RORA: variants seen among roughly 807,000 people sequenced by gnomAD.
The protein encoded by RORA is nuclear receptor ROR-alpha.
RORA carries 7 observed loss-of-function variants against 69.5 expected under a neutral mutation model. That is an observed-to-expected ratio of 0.10 (90% confidence interval 0.06 to 0.19). RORA has a LOEUF of 0.19. Ranked by LOEUF, RORA falls within the 10% of genes least tolerant of loss-of-function variation. The pLI is 1.00. For synonymous variants in RORA, 261 were observed against 240.8 expected (o/e 1.08, Z -0.78); for missense variants, 457 against 663.0 (o/e 0.69, Z 3.41).
intron 1 of RORA, among the ~76,000 whole-genome samples, chr15:60,797,989 C>T (rs186925350): frequency 6.6e-6 from 1 of 152,228 alleles, no homozygotes; most frequent in Admixed American, 6.5e-5. Context: ...CATCACTGGC[C>T]TACAGCTATG....
intron 2 of RORA, chr15:60,558,136 C>CG: frequency 2.2e-6 from 2 of 890,840 alleles, no homozygotes; most frequent in Admixed American, 2.1e-5. Flanking sequence ...AGTGCCACAC[C>CG]GGGGGAAAGG....
intron 1 of RORA, among the ~76,000 whole-genome samples, chr15:60,707,419 A>C (rs2071079202): frequency 1.3e-5 from 2 of 151,156 alleles, no homozygotes; most frequent in African/African-American, 4.9e-5. Flanking sequence ...GCTGGAGTGC[A>C]ATGGCGTGAT....
chr15:60,578,121 A>G lies in RORA; in HGVS notation c.197-46270T>C, dbSNP rs111284077. ...GTTAGAATATGGAACCTGAAGCCAT[A>G]TCACTGACTTTTTGTACTTTGTTAA... On this transcript the variant is annotated intron_variant, in intron 2 of 10. Transcript: ENST00000335670. Among the ~76,000 whole-genome samples the G allele has an allele frequency of 6.7e-3, 1,026 of 152,360 alleles. 3 individuals are homozygous for G. Among genetic ancestry groups the G allele is most frequent in the African/African-American group, 0.023 (968 of 41,586 alleles).
At chr15:61,151,290 G>A (rs184003788) in intron 1 of RORA, among the ~76,000 whole-genome samples, 168 of 152,308 alleles carry the variant, frequency 1.1e-3, no homozygotes, top group African/African-American at 3.9e-3. Flanking sequence ...CCTACACCCT[G>A]AACTCTAAGC....
At chr15:60,640,184 C>CAGTA (rs940475810) in intron 2 of RORA, among the ~76,000 whole-genome samples, 11 of 152,224 alleles carry the variant, frequency 7.2e-5, no homozygotes, top group African/African-American at 2.4e-4. Context: ...GTACATGGCA[C>CAGTA]TACTAAGTGC....
rs113898910 is a variant in RORA, at chr15:61,065,898, A to C, written c.166+163155T>G. Among the ~76,000 whole-genome samples, 259 of 152,304 alleles carry C rather than the reference A, an allele frequency of 1.7e-3. 1 individual carries two copies. Among genetic ancestry groups the C allele is most frequent in the African/African-American group, 6.0e-3 (249 of 41,570 alleles). Reference sequence around the variant, plus strand: ...TCCAATAACTTCTCCATTCTACCCCAAAAGCAGGCAATTTATCTTTCTACC... The same window carrying C: ...TCCAATAACTTCTCCATTCTACCCCCAAAGCAGGCAATTTATCTTTCTACC... On this transcript the variant is annotated intron_variant, in intron 1 of 10. Transcript: ENST00000335670.
chr15:60,946,381 C>T (rs1029667147), intron 1 of RORA, among the ~76,000 whole-genome samples: 1 of 152,230 alleles, frequency 6.6e-6, no homozygotes, highest in Admixed American at 6.5e-5. Flanking sequence ...GATTCTTCTG[C>T]CTCAGCCTGC....
intron 10 of RORA, among the ~76,000 whole-genome samples, chr15:60,497,875 A>G (rs1450461150): frequency 6.6e-6 from 1 of 151,932 alleles, no homozygotes; most frequent in Admixed American, 6.6e-5. Context: ...CCTGGGAAAC[A>G]CGGTGAAACC....
intron 1 of RORA, among the ~76,000 whole-genome samples, chr15:61,017,770 A>C (rs577557125): frequency 7.9e-5 from 12 of 152,344 alleles, no homozygotes; most frequent in African/African-American, 1.9e-4. Flanking sequence ...ATGACGTGCC[A>C]CAAAGCATAT....
chr15:60,876,004 T>G (rs181197259), intron 1 of RORA, among the ~76,000 whole-genome samples: 1 of 152,212 alleles, frequency 6.6e-6, no homozygotes, highest in Non-Finnish European at 1.5e-5. Flanking sequence ...AAAACTTCTT[T>G]GAAGACCACA....
chr15:60,921,483 T>C (rs1042229918), intron 1 of RORA, among the ~76,000 whole-genome samples: 1 of 152,182 alleles, frequency 6.6e-6, no homozygotes, highest in African/African-American at 2.4e-5. Flanking sequence ...GCAAAAGTCA[T>C]CTAAGGTGCT....
intron 1 of RORA, among the ~76,000 whole-genome samples, chr15:60,871,792 G>A (rs2073559299): frequency 6.6e-6 from 1 of 152,114 alleles, no homozygotes. Context: ...ATCCTGGATT[G>A]GATCCTGGAA....
chr15:60,920,724 G>A (rs769590570), intron 1 of RORA, among the ~76,000 whole-genome samples: 3 of 152,128 alleles, frequency 2.0e-5, no homozygotes, highest in East Asian at 1.9e-4. Flanking sequence ...AAATCTTCAG[G>A]TACACCAAAT....
intron 1 of RORA, among the ~76,000 whole-genome samples, chr15:60,871,986 T>C (rs1451928944): frequency 6.6e-6 from 1 of 152,222 alleles, no homozygotes; most frequent in African/African-American, 2.4e-5. Flanking sequence ...TCTTTACAAC[T>C]CTATGCAAAT....
intron 1 of RORA, among the ~76,000 whole-genome samples, chr15:61,043,786 T>G (rs1005508806): frequency 2.0e-5 from 3 of 152,190 alleles, no homozygotes; most frequent in Non-Finnish European, 4.4e-5. Flanking sequence ...GTTTTATTTT[T>G]TTTTAATGTC....
chr15:60,621,415 A>G (rs2069404167), intron 2 of RORA, among the ~76,000 whole-genome samples: 1 of 152,130 alleles, frequency 6.6e-6, no homozygotes, highest in African/African-American at 2.4e-5. Context: ...GAAGGGCTAT[A>G]ACCGGGGCAC....
chr15:60,680,840 T>C (rs16942928), intron 1 of RORA, among the ~76,000 whole-genome samples: 29,084 of 152,138 alleles, frequency 0.19, 3,068 homozygotes, highest in African/African-American at 0.28. Flanking sequence ...AATGAAGATA[T>C]ACCAATCAAT....
At chr15:61,066,721 C>A (rs571109666) in intron 1 of RORA, among the ~76,000 whole-genome samples, 2 of 151,974 alleles carry the variant, frequency 1.3e-5, no homozygotes, top group East Asian at 3.9e-4. Flanking sequence ...AGCCACTATG[C>A]CCCGCTGGCA....
At chr15:60,912,594 A>G (rs991826417) in intron 1 of RORA, among the ~76,000 whole-genome samples, 3 of 152,118 alleles carry the variant, frequency 2.0e-5, no homozygotes, top group Non-Finnish European at 2.9e-5. Context: ...CTCTACTAAA[A>G]ATACAAAAAA....
Sources: allele counts gnomAD v4.1 joint callset (sites outside exome capture counted in the v4.1 genomes callset), GRCh38; gene constraint gnomAD v4.1.1; transcripts MANE v1.5; gene names NCBI Gene and HGNC (gene_info 2026-07-23, HGNC 2026-07-21).